The following PDIA5 variants were observed in gnomAD, a reference collection of about 807,000 sequenced individuals.
PDIA5 encodes the protein protein disulfide isomerase family A member 5, also known as protein disulfide-isomerase A5.
In PDIA5, 58 loss-of-function variants were observed where a neutral mutation model predicts 77.6. That is an observed-to-expected ratio of 0.75 (90% CI 0.61 to 0.93). The LOEUF is 0.93. Ranked by LOEUF, PDIA5 falls within the 40% of genes least tolerant of loss-of-function variation. The pLI is 0.00. For missense variants in PDIA5, 630 were observed against 647.7 expected (o/e 0.97, Z 0.30); for synonymous variants, 250 against 252.1 (o/e 0.99, Z 0.08).
chr3:123,131,050 T>C (rs1237599198), intron 11 of PDIA5, among the ~76,000 whole-genome samples: 2 of 152,032 alleles, frequency 1.3e-5, no homozygotes, highest in South Asian at 2.1e-4. Context: ...GGCAGGAGGA[T>C]TGTTTAAGGC....
chr3:123,141,537 T>G (rs1248489404), intron 11 of PDIA5, among the ~76,000 whole-genome samples: 2 of 152,182 alleles, frequency 1.3e-5, no homozygotes, highest in African/African-American at 4.8e-5. Flanking sequence ...TTCCTTCTCC[T>G]GCAGTTTGTT....
chr3:123,150,299 T>G lies in PDIA5; in HGVS notation c.1208T>G (p.Val403Gly). Reference protein sequence around the residue: ...EEQQTSVLHLVGDNFRETLKK... With the variant: ...EEQQTSVLHLGGDNFRETLKK... ...CAGCAGACAAGCGTGTTGCACCTGGTGGGGGACAACTTCCGGGAGACCCTG... is the reference window on the plus strand; with the variant it reads ...CAGCAGACAAGCGTGTTGCACCTGGGGGGGGACAACTTCCGGGAGACCCTG... The change falls in exon 14 of 17, where the codon GTG (valine) becomes GGG (glycine). Residue 403 changes from valine (V) to glycine (G), a missense_variant. Val to Gly is a moderately radical substitution (Grantham distance 109). Transcript: ENST00000316218. The G allele has an allele frequency of 1.2e-6, 2 of 1,613,606 alleles. No individual in the cohort carries two copies. Among genetic ancestry groups the G allele is most frequent in the Non-Finnish European group, 1.7e-6 (2 of 1,179,836 alleles).
chr3:123,098,256 G>C (rs942626494), intron 3 of PDIA5, among the ~76,000 whole-genome samples: 1 of 152,222 alleles, frequency 6.6e-6, no homozygotes, highest in Non-Finnish European at 1.5e-5. Context: ...GGCAGAGCCA[G>C]ATGTTGAAGC....
At chr3:123,097,807 C>A (rs1462522722) in intron 3 of PDIA5, among the ~76,000 whole-genome samples, 2 of 152,094 alleles carry the variant, frequency 1.3e-5, no homozygotes, top group Non-Finnish European at 2.9e-5. Context: ...CATGTTAGAC[C>A]AGGGCTGGTG....
In PDIA5 at chr3:123,089,279, C is replaced by T. The variant is rs1328853867; in HGVS notation, c.154C>T (p.Leu52Phe). 8 of 1,614,124 alleles carry T rather than the reference C, an allele frequency of 5.0e-6. No homozygotes were observed. Among genetic ancestry groups the T allele is most frequent in the Non-Finnish European group, 6.8e-6 (8 of 1,179,958 alleles). ...LLRTRNNVLV[L>F]YSKSEVAAEN... ...CAGAACCCGGAATAATGTACTGGTG[C>T]TTTACTCCAAATCTGGTGAGTGTCC... The change falls in exon 2 of 17, where the codon CTT (leucine) becomes TTT (phenylalanine). Residue 52 changes from leucine (L) to phenylalanine (F), a missense_variant. By Grantham distance (22) the Leu-to-Phe change is conservative. Transcript: ENST00000316218.
At chr3:123,146,067 G>A in intron 12 of PDIA5, 32 bp from the exon 13 acceptor site, 10 of 1,608,644 alleles carry the variant, frequency 6.2e-6, no homozygotes, top group East Asian at 2.2e-5. Context: ...ATCTGAGGCT[G>A]TAATGCATGG....
chr3:123,150,207 C>T (rs201934070), intron 13 of PDIA5, 27 bp from the exon 14 acceptor site: 1 of 1,583,430 alleles, frequency 6.3e-7, no homozygotes, highest in Non-Finnish European at 8.6e-7. Context: ...CTTATGGCTG[C>T]CTCCCCACTC....
chr3:123,140,457 T>C (rs186306451), intron 11 of PDIA5, among the ~76,000 whole-genome samples: 1 of 152,300 alleles, frequency 6.6e-6, no homozygotes, highest in East Asian at 1.9e-4. Context: ...TTAAATGCCA[T>C]AGAAATATCT....
At chr3:123,092,327 T>G in intron 2 of PDIA5, 28 bp from the exon 3 acceptor site, 2 of 1,574,448 alleles carry the variant, frequency 1.3e-6, no homozygotes, top group Non-Finnish European at 8.7e-7. Flanking sequence ...TGGTCACAGA[T>G]GTTTAATTTT....
intron 14 of PDIA5, among the ~76,000 whole-genome samples, chr3:123,152,994 T>TA (rs1935948359): frequency 6.8e-6 from 1 of 147,992 alleles, no homozygotes; most frequent in Admixed American, 6.8e-5. Flanking sequence ...CTACATTAAA[T>TA]AAAAAAAATC....
At chr3:123,145,456 G>C in intron 11 of PDIA5, 66 bp from the exon 12 acceptor site, 1 of 1,202,708 alleles carries the variant, frequency 8.3e-7, no homozygotes. Context: ...TTACAGAGGC[G>C]GCGCAGGGGA....
chr3:123,145,825 T>C (rs1198523213), intron 12 of PDIA5, among the ~76,000 whole-genome samples: 3 of 152,184 alleles, frequency 2.0e-5, no homozygotes, highest in Non-Finnish European at 4.4e-5. Flanking sequence ...TGCTCCCTCT[T>C]TTCTCTGGGA....
At chr3:123,114,067 T>C (rs1194349742) in intron 7 of PDIA5, among the ~76,000 whole-genome samples, 1 of 152,124 alleles carries the variant, frequency 6.6e-6, no homozygotes, top group African/African-American at 2.4e-5. Context: ...CAATAACTTC[T>C]CCACCCAGCA....
At chr3:123,120,813 C>G (rs1423004747) in intron 8 of PDIA5, among the ~76,000 whole-genome samples, 1 of 152,156 alleles carries the variant, frequency 6.6e-6, no homozygotes, top group Non-Finnish European at 1.5e-5. Flanking sequence ...CCACCTCCAC[C>G]TCTCTTTACT....
intron 14 of PDIA5, among the ~76,000 whole-genome samples, chr3:123,154,345 T>C (rs1935973603): frequency 6.6e-6 from 1 of 152,146 alleles, no homozygotes; most frequent in South Asian, 2.1e-4. Context: ...ACCCTGACCA[T>C]GGCCTTCCTG....
intron 1 of PDIA5, among the ~76,000 whole-genome samples, chr3:123,088,494 G>A (rs1362723242): frequency 1.3e-5 from 2 of 152,196 alleles, no homozygotes; most frequent in African/African-American, 4.8e-5. Context: ...TAGATGGGAT[G>A]GAGTTTTTAC....
chr3:123,145,674 GC>G, intron 12 of PDIA5, 82 bp downstream of exon 12: 1 of 1,218,114 alleles, frequency 8.2e-7, no homozygotes, highest in East Asian at 2.4e-5. Flanking sequence ...TCCCCTGCAA[GC>G]CCTGCTGCAG....
chr3:123,068,144 T>G (rs1160823236), intron 1 of PDIA5, among the ~76,000 whole-genome samples: 3 of 152,116 alleles, frequency 2.0e-5, no homozygotes, highest in Non-Finnish European at 4.4e-5. Context: ...ATGCGCTCCC[T>G]TATTTTAGGA....
intron 6 of PDIA5, among the ~76,000 whole-genome samples, chr3:123,109,590 T>C (rs1934816372): frequency 6.6e-6 from 1 of 152,232 alleles, no homozygotes; most frequent in South Asian, 2.1e-4. Flanking sequence ...TCTAGTGTTT[T>C]GGATATCCAC....
Sources: allele counts gnomAD v4.1 joint callset (sites outside exome capture counted in the v4.1 genomes callset), GRCh38; gene constraint gnomAD v4.1.1; transcripts MANE v1.5; gene names NCBI Gene and HGNC (gene_info 2026-07-23, HGNC 2026-07-21).